The following TTC34 variants were observed in gnomAD, a reference collection of about 807,000 sequenced individuals.
TTC34 encodes the protein tetratricopeptide repeat protein 34.
Under a neutral mutation model 40.7 loss-of-function variants are expected in TTC34, and 44 were observed. The observed-to-expected ratio is 1.08, with a 90% CI of 0.85 to 1.39. TTC34 has a LOEUF of 1.39. TTC34 is among the 40% of genes most tolerant of loss of function. The pLI is 0.00. For synonymous variants in TTC34, 422 were observed against 398.6 expected (o/e 1.06, Z -0.70); for missense variants, 884 against 838.0 (o/e 1.05, Z -0.68).
chr1:2,751,636 C>T (rs1210121800), intron 6 of TTC34, among the ~76,000 whole-genome samples: 3 of 121,566 alleles, frequency 2.5e-5, no homozygotes, highest in Non-Finnish European at 1.7e-5. Flanking sequence ...CGGCCTGGAA[C>T]AGCACCCACA....
intron 6 of TTC34, chr1:2,774,719 T>G (rs1270583161): frequency 5.8e-5 from 1 of 17,172 alleles, no homozygotes; most frequent in Non-Finnish European, 1.2e-4. Context: ...GGTGAGCATC[T>G]GACAGCCTGG....
At chr1:2,748,909 C>T (rs1379481398) in intron 6 of TTC34, among the ~76,000 whole-genome samples, 1 of 111,208 alleles carries the variant, frequency 9.0e-6, no homozygotes, top group Non-Finnish European at 1.7e-5. Flanking sequence ...CAGCCTGGAA[C>T]AGAACCCACA....
At chr1:2,759,578 A>G (rs1641623504) in intron 6 of TTC34, among the ~76,000 whole-genome samples, 2 of 151,958 alleles carry the variant, frequency 1.3e-5, no homozygotes, top group Non-Finnish European at 2.9e-5. Context: ...AGCATCGGAC[A>G]GCCTGGAACA....
At chr1:2,683,658 G>C (rs201806377) in intron 6 of TTC34, among the ~76,000 whole-genome samples, 1,615 of 149,382 alleles carry the variant, frequency 0.011, no homozygotes, top group East Asian at 0.058. Context: ...TGACAGCCTG[G>C]AGCAGCACGC....
At position 2,646,738 on chromosome 1, in the gene TTC34, C is replaced by T. The variant is rs1639027298; in HGVS notation, c.2227-1175G>A. On this transcript the variant is annotated intron_variant, in intron 6 of 8. Coordinates refer to ENST00000401095, the Ensembl canonical transcript of TTC34. Reference sequence around the variant, plus strand: ...AAGAAATTAAAAGAAGAAATAAATACATCATTTTGTATTTGCAGATGCTTT... The same window carrying T: ...AAGAAATTAAAAGAAGAAATAAATATATCATTTTGTATTTGCAGATGCTTT... Among the ~76,000 whole-genome samples the T allele has an allele frequency of 2.0e-5, 3 of 152,194 alleles. No individual in the cohort carries two copies. The South Asian group carries it at 6.2e-4, about 31-fold the overall frequency.
rs1639984508 is a variant in TTC34, at chr1:2,678,023, G to A, written c.2227-32460C>T. 5.4e-5 allele frequency among the ~76,000 whole-genome samples: 2 copies of A among 36,826 alleles called. 1 individual carries two copies. The highest frequency in any genetic ancestry group is 9.3e-5 in the Non-Finnish European group (2 of 21,620). The allele number at this position is 36,826 out of a possible 152,430, so 24.2% of individuals were successfully genotyped here. On this transcript the variant is annotated intron_variant, in intron 6 of 8. Coordinates refer to ENST00000401095, the Ensembl canonical transcript of TTC34. The stretch of plus-strand genomic sequence containing the variant: ...GAGCAGCACCCACAACCCCAAGTGA[G>A]CATCTGATTGTCTGGAGCAGCACCC...
intron 6 of TTC34, among the ~76,000 whole-genome samples, chr1:2,751,335 G>A (rs1213097213): frequency 2.8e-5 from 4 of 141,450 alleles, no homozygotes; most frequent in East Asian, 4.3e-4. Context: ...ACCCCCAGGC[G>A]AGCATCTGAC....
exon 8 of TTC34, chr1:2,644,371 C>G: frequency 6.5e-7 from 1 of 1,536,018 alleles, no homozygotes; most frequent in East Asian, 2.4e-5. Flanking sequence ...GCCCCTGGCA[C>G]GTCTCCCTTC....
At chr1:2,646,497 A>G (rs914172663) in intron 6 of TTC34, among the ~76,000 whole-genome samples, 2 of 152,026 alleles carry the variant, frequency 1.3e-5, no homozygotes, top group African/African-American at 4.8e-5. Context: ...TGATCCTCCC[A>G]CTTCTGCCTC....
At chr1:2,674,963 C>A (rs1448399981) in intron 6 of TTC34, among the ~76,000 whole-genome samples, 1 of 130,502 alleles carries the variant, frequency 7.7e-6, no homozygotes, top group African/African-American at 2.8e-5. Flanking sequence ...ACCCATAGCC[C>A]ATGGTGAGCA....
intron 6 of TTC34, among the ~76,000 whole-genome samples, chr1:2,769,815 T>A (rs1642004607): frequency 8.7e-6 from 1 of 114,418 alleles, no homozygotes; most frequent in Non-Finnish European, 1.7e-5. Flanking sequence ...TCTGACAGCC[T>A]GGAGCAGGCG....
At position 2,684,498 on chromosome 1, in the gene TTC34, C is replaced by T. The variant is rs1374164622; in HGVS notation, c.2227-38935G>A. ...ACACACCCAGGCGAGCATCTGATGG[C>T]CTGGAACGGCACCCACACCCCCAGG... is the stretch of plus-strand genomic sequence containing the variant. On this transcript the variant is annotated intron_variant, in intron 6 of 8. Coordinates refer to ENST00000401095, the Ensembl canonical transcript of TTC34. Among the ~76,000 whole-genome samples, 36 of 135,178 alleles carry T rather than the reference C, an allele frequency of 2.7e-4. 2 individuals are homozygous for T. Among genetic ancestry groups the T allele is most frequent in the Admixed American group, 1.5e-3 (20 of 13,782 alleles). 88.7% of individuals were successfully genotyped at this position (135,178 alleles called of 152,430 possible).
chr1:2,750,726 C>A (rs1490111153), intron 6 of TTC34, among the ~76,000 whole-genome samples: 1,334 of 7,336 alleles, frequency 0.18, 37 homozygotes, highest in Middle Eastern at 0.25. Context: ...AGCACCCACA[C>A]CCCCAGGTGA....
chr1:2,690,143 AG>A (rs2100358625), intron 6 of TTC34, among the ~76,000 whole-genome samples: 1 of 147,800 alleles, frequency 6.8e-6, no homozygotes, highest in South Asian at 2.2e-4. Context: ...CCACACCCCA[AG>A]GTGAGCATCT....
chr1:2,687,629 C>A (rs1363527802), intron 6 of TTC34, among the ~76,000 whole-genome samples: 1 of 142,442 alleles, frequency 7.0e-6, no homozygotes, highest in Non-Finnish European at 1.5e-5. Flanking sequence ...AGCTGATATC[C>A]TGGAACAGCA....
At chr1:2,751,710 C>A (rs1641326392) in intron 6 of TTC34, among the ~76,000 whole-genome samples, 1 of 150,278 alleles carries the variant, frequency 6.7e-6, no homozygotes. Flanking sequence ...ATCCGACAGC[C>A]TGGAGCAGCA....
intron 6 of TTC34, among the ~76,000 whole-genome samples, chr1:2,767,432 G>T (rs1442858955): frequency 7.3e-6 from 1 of 137,824 alleles, no homozygotes; most frequent in African/African-American, 2.7e-5. Flanking sequence ...GCATGGAATG[G>T]CATCCTCACC....
rs1157129903 is a variant in TTC34 at position 2,789,488 on chromosome 1, C to A, written c.1628+15G>T. ...CAGGAAGCAGCGGCCCCAGCGTGCC[C>A]GGGCGGGTCCTCACCCCTCCTGCGT... On this transcript the variant is annotated intron_variant, in intron 3 of 8. Transcript: ENST00000401095. 1 of 1,506,416 alleles carries A rather than the reference C, an allele frequency of 6.6e-7. No individual in the cohort carries two copies. 93.3% of individuals were successfully genotyped at this position (1,506,416 alleles called of 1,614,324 possible). A position where few individuals can be genotyped will look rare whatever the true frequency, so the allele number is the denominator to read the frequency against.
At chr1:2,748,493 A>G (rs1641218573) in intron 6 of TTC34, among the ~76,000 whole-genome samples, 18 of 138,324 alleles carry the variant, frequency 1.3e-4, no homozygotes, top group African/African-American at 4.4e-4. Context: ...CCGGGTGAGC[A>G]TCCGATAGCC....
Sources: allele counts gnomAD v4.1 joint callset (sites outside exome capture counted in the v4.1 genomes callset), GRCh38; gene constraint gnomAD v4.1.1; transcripts MANE v1.5; gene names NCBI Gene and HGNC (gene_info 2026-07-23, HGNC 2026-07-21).